The following ZNF800 variants were observed in gnomAD, a reference collection of about 807,000 sequenced individuals.
ZNF800 encodes zinc finger protein 800.
ZNF800 carries 13 observed loss-of-function variants against 59.5 expected under a neutral mutation model. The ratio of observed to expected loss-of-function variants is 0.22; its 90% CI spans 0.14 to 0.35. The LOEUF is 0.35. Ranked by LOEUF, ZNF800 falls within the 10% of genes least tolerant of loss-of-function variation. ZNF800 has a pLI of 1.00. For synonymous variants in ZNF800, 266 were observed against 265.7 expected (o/e 1.00, Z -0.01); for missense variants, 621 against 783.7 (o/e 0.79, Z 2.48).
At chr7:127,366,966 A>G (rs544099460), downstream of ZNF800, among the ~76,000 whole-genome samples, 10 of 152,292 alleles carry the variant, frequency 6.6e-5, no homozygotes, top group Non-Finnish European at 1.0e-4. Context: ...GCGGAAGGAC[A>G]CAGAGCAGAG....
chr7:127,358,773 G>A (rs1294319145), intron 1 of ZNF800, among the ~76,000 whole-genome samples: 1 of 152,088 alleles, frequency 6.6e-6, no homozygotes, highest in Non-Finnish European at 1.5e-5. Context: ...CATACTTGAA[G>A]AGGAACTGCA....
At chr7:127,391,776 G>A (rs1801328078) in intron 1 of ZNF800, among the ~76,000 whole-genome samples, 161 bp from the exon 2 acceptor site, 1 of 152,136 alleles carries the variant, frequency 6.6e-6, no homozygotes, top group Admixed American at 6.5e-5. Flanking sequence ...CCCTCCTGCA[G>A]CCCAAACTCC....
intron 2 of ZNF800, among the ~76,000 whole-genome samples, chr7:127,388,222 A>C (rs961789844): frequency 1.3e-5 from 2 of 152,242 alleles, no homozygotes; most frequent in Non-Finnish European, 2.9e-5. Context: ...ACATTCTACC[A>C]TCACTATCAT....
intron 1 of ZNF800, among the ~76,000 whole-genome samples, chr7:127,353,893 T>C (rs1034374993): frequency 1.3e-5 from 2 of 151,902 alleles, no homozygotes; most frequent in Non-Finnish European, 2.9e-5. Context: ...TATTTTTATA[T>C]AGATGATCAT....
chr7:127,364,672 A>C (rs1232256212), intron 1 of ZNF800: 1 of 152,118 alleles, frequency 6.6e-6, no homozygotes, highest in Non-Finnish European at 1.5e-5. Context: ...GGAGGGGTAA[A>C]GAGGAGGAGT....
chr7:127,369,244 T>A (rs1800577649), downstream of ZNF800, among the ~76,000 whole-genome samples: 1 of 152,128 alleles, frequency 6.6e-6, no homozygotes, highest in African/African-American at 2.4e-5. Context: ...ATAGGAAAAC[T>A]CTTAATTGAT....
chr7:127,351,561 CAAT>C (rs1423109889), intron 1 of ZNF800: 1 of 152,204 alleles, frequency 6.6e-6, no homozygotes, highest in Admixed American at 6.5e-5. Flanking sequence ...AGAAGACTGA[CAAT>C]GATTATTTTT....
downstream of ZNF800, among the ~76,000 whole-genome samples, chr7:127,344,561 A>G (rs1386517814): frequency 9.9e-5 from 15 of 152,104 alleles, no homozygotes; most frequent in Non-Finnish European, 1.9e-4. Flanking sequence ...AAATATAGCC[A>G]AAAATATTTA....
At chr7:127,369,789 G>C (rs1316957902), downstream of ZNF800, among the ~76,000 whole-genome samples, 4 of 151,966 alleles carry the variant, frequency 2.6e-5, no homozygotes, top group Non-Finnish European at 5.9e-5. Flanking sequence ...TGGTCCTGTA[G>C]AAATAGGTGG....
At chr7:127,364,905 G>C (rs1800473125) in intron 1 of ZNF800, 1 of 152,106 alleles carries the variant, frequency 6.6e-6, no homozygotes, top group Non-Finnish European at 1.5e-5. Flanking sequence ...AGTGTGAAAA[G>C]TTTGAAGCAA....
In ZNF800 at chr7:127,372,802, T is replaced by A; in HGVS notation, c.1994+540A>T. ...GTAAATGATAAATGCTAATCATTTT[T>A]AATTCAATTCGGGGATTTTTTTTTC... On this transcript the variant is annotated intron_variant, in intron 5 of 5. Coordinates refer to ENST00000265827, the MANE Select transcript of ZNF800 (RefSeq NM_176814.5). 3 of 985,384 alleles carry A rather than the reference T, an allele frequency of 3.0e-6. No homozygotes were observed. The South Asian group carries it at 1.4e-4, about 46-fold the overall frequency. The allele number at this position is 985,384 out of a possible 1,614,324, so 61.0% of individuals were successfully genotyped here.
Position 127,376,643 on chromosome 7 carries a change from C to T in ZNF800, c.301+543G>A, listed in dbSNP as rs17865997. Among the ~76,000 whole-genome samples the T allele has an allele frequency of 2.4e-3, 366 of 151,914 alleles. 12 individuals carry two copies. The East Asian group carries it at 0.047, about 19-fold the overall frequency. On this transcript the variant is annotated intron_variant, in intron 4 of 5. Transcript: ENST00000265827. ...TGACTTATCTAAATTTTTCTGAAAA[C>T]AAAACTGATCTTCAAATCAAGACCT...
At chr7:127,348,213 G>A (rs1800106175) in intron 1 of ZNF800, among the ~76,000 whole-genome samples, 1 of 152,136 alleles carries the variant, frequency 6.6e-6, no homozygotes, top group South Asian at 2.1e-4. Context: ...AACTGCGGTG[G>A]TCATAGGAAA....
At chr7:127,364,162 G>T (rs1431122249) in intron 1 of ZNF800, 2 of 152,010 alleles carry the variant, frequency 1.3e-5, no homozygotes, top group African/African-American at 4.8e-5. Flanking sequence ...GTGTGGAAAA[G>T]GTAAATTTGT....
At chr7:127,372,582 T>C (rs1800661890) in intron 5 of ZNF800, 1 of 974,538 alleles carries the variant, frequency 1.0e-6, no homozygotes, top group Non-Finnish European at 1.2e-6. Context: ...GTTAATAATA[T>C]TAACTATGTT....
chr7:127,379,832 T>TTCCCCCCCCCCC (rs1800903206), intron 3 of ZNF800, among the ~76,000 whole-genome samples: 2 of 54,388 alleles, frequency 3.7e-5, no homozygotes, highest in African/African-American at 7.4e-5. Flanking sequence ...CCCTTACCCT[T>TTCCCCCCCCCCC]GCCACCCCCC....
At chr7:127,345,645 G>A (rs950099677), downstream of ZNF800, among the ~76,000 whole-genome samples, 14 of 152,166 alleles carry the variant, frequency 9.2e-5, no homozygotes, top group Non-Finnish European at 1.5e-5. Context: ...CATAGACGGG[G>A]GTGGAAGGAT....
At chr7:127,354,816 T>C (rs1800235773) in intron 1 of ZNF800, among the ~76,000 whole-genome samples, 1 of 152,158 alleles carries the variant, frequency 6.6e-6, no homozygotes, top group South Asian at 2.1e-4. Flanking sequence ...TTTAAAATAC[T>C]AAATCTCTAG....
Position 127,371,748 on chromosome 7 carries a change from TAAC to T in ZNF800, c.*63_*65del. 1.4e-6 allele frequency: 1 copy of T among 737,620 alleles called. No individual in the cohort carries two copies. The highest frequency in any genetic ancestry group is 2.5e-6 in the Non-Finnish European group (1 of 400,426). 45.7% of individuals were successfully genotyped at this position (737,620 alleles called of 1,614,324 possible). A position where few individuals can be genotyped will look rare whatever the true frequency, so the allele number is the denominator to read the frequency against. ...ACCATTTGAAGATGTTTAGTGGTTC[TAAC>T]ACCAATTTAAAGTCTTTCCACAAAA... On this transcript the variant is annotated 3_prime_UTR_variant, in exon 6 of 6. Transcript: ENST00000265827.
Sources: gnomAD v4.1 joint callset for allele counts (sites outside exome capture counted in the v4.1 genomes callset) on GRCh38, gnomAD v4.1.1 for gene constraint, MANE v1.5 for transcripts, NCBI Gene and HGNC (gene_info 2026-07-23, HGNC 2026-07-21) for gene names.